The following TOX variants were observed in gnomAD, a reference collection of about 807,000 sequenced individuals.
TOX encodes thymocyte selection-associated high mobility group box protein TOX.
A neutral mutation model predicts 53.7 loss-of-function variants in TOX; 11 were observed. That is an observed-to-expected ratio of 0.20 (90% CI 0.13 to 0.34). TOX has a LOEUF of 0.34. Among genes scored for constraint, TOX ranks in the 10% least tolerant of loss-of-function variants. The pLI is 1.00. For missense variants in TOX, 570 were observed against 664.6 expected (o/e 0.86, Z 1.56); for synonymous variants, 225 against 245.3 (o/e 0.92, Z 0.77).
intron 3 of TOX, among the ~76,000 whole-genome samples, chr8:58,882,468 A>G (rs530642998): frequency 6.6e-6 from 1 of 152,316 alleles, no homozygotes; most frequent in South Asian, 2.1e-4. Context: ...ATTTCATAGT[A>G]GCTCTGGTTT....
chr8:59,007,480 A>C (rs1290847831), intron 1 of TOX, among the ~76,000 whole-genome samples: 1 of 152,262 alleles, frequency 6.6e-6, no homozygotes. Context: ...TCAAAGGCCT[A>C]TTTTCAGAAA....
At chr8:59,065,977 T>C (rs1192318405) in intron 1 of TOX, among the ~76,000 whole-genome samples, 3 of 152,192 alleles carry the variant, frequency 2.0e-5, no homozygotes, top group African/African-American at 7.2e-5. Flanking sequence ...CAATTCTGAA[T>C]GCTGAATTCC....
intron 1 of TOX, among the ~76,000 whole-genome samples, chr8:59,107,046 T>TGCGGC (rs35882293): frequency 5.2e-5 from 3 of 58,206 alleles, no homozygotes; most frequent in Admixed American, 1.9e-4. Context: ...AGCAGTTTGC[T>TGCGGC]GGGGGGGGGG....
At chr8:58,922,083 C>T (rs1224956783) in intron 3 of TOX, among the ~76,000 whole-genome samples, 2 of 152,176 alleles carry the variant, frequency 1.3e-5, no homozygotes, top group Admixed American at 1.3e-4. Flanking sequence ...GAGCTGAGAA[C>T]AATAGCTGTT....
chr8:59,042,006 G>T (rs932195465), intron 1 of TOX, among the ~76,000 whole-genome samples: 2 of 152,124 alleles, frequency 1.3e-5, no homozygotes, highest in African/African-American at 2.4e-5. Flanking sequence ...AAATGCAACT[G>T]AAAAGAAAAT....
chr8:58,892,999 G>A (rs16924208), intron 3 of TOX, among the ~76,000 whole-genome samples: 11,688 of 152,186 alleles, frequency 0.077, 717 homozygotes, highest in East Asian at 0.2. Context: ...TGAATTTGTT[G>A]GTCCAACACC....
intron 3 of TOX, among the ~76,000 whole-genome samples, chr8:58,860,180 G>T (rs1427601158): frequency 1.3e-5 from 2 of 152,134 alleles, no homozygotes; most frequent in South Asian, 2.1e-4. Flanking sequence ...ATGACACCTA[G>T]CTGCCACTGT....
intron 1 of TOX, among the ~76,000 whole-genome samples, chr8:59,108,776 G>A (rs1191966589): frequency 2.0e-5 from 3 of 151,856 alleles, no homozygotes; most frequent in Non-Finnish European, 4.4e-5. Flanking sequence ...TAACATTTTG[G>A]CTTCTCTCTG....
intron 3 of TOX, among the ~76,000 whole-genome samples, chr8:58,869,736 C>A (rs929153126): frequency 2.6e-5 from 4 of 152,012 alleles, no homozygotes; most frequent in Admixed American, 2.0e-4. Context: ...TAAAGTTCAA[C>A]ATTAGAAAAT....
chr8:59,015,150 A>G (rs116346270), intron 1 of TOX, among the ~76,000 whole-genome samples: 1,970 of 152,336 alleles, frequency 0.013, 58 homozygotes, highest in African/African-American at 0.045. Context: ...CCTGGACGGG[A>G]CAGCCAGTCT....
chr8:58,848,411 A>G (rs1810754371), intron 4 of TOX, among the ~76,000 whole-genome samples: 1 of 152,148 alleles, frequency 6.6e-6, no homozygotes, highest in African/African-American at 2.4e-5. Context: ...TAAATGCAGT[A>G]AAGATTTCAT....
chr8:59,053,162 A>G (rs1803824015), intron 1 of TOX, among the ~76,000 whole-genome samples: 1 of 152,200 alleles, frequency 6.6e-6, no homozygotes. Flanking sequence ...GTTTTGCTTA[A>G]GCACAAATAT....
intron 4 of TOX, among the ~76,000 whole-genome samples, chr8:58,847,801 A>G (rs1326690275): frequency 5.3e-5 from 8 of 152,100 alleles, no homozygotes; most frequent in Admixed American, 5.2e-4. Flanking sequence ...CAGGCAGTAA[A>G]TTCTCAAAAG....
intron 1 of TOX, among the ~76,000 whole-genome samples, chr8:59,050,202 T>C (rs769667445): frequency 6.6e-6 from 1 of 152,156 alleles, no homozygotes; most frequent in African/African-American, 2.4e-5. Context: ...TCAAAGTTTA[T>C]TATCCAGTCA....
rs1813341109 is a variant in TOX at position 58,986,944 on chromosome 8, G to A, written c.103-26936C>T. Reference sequence around the variant, plus strand: ...CCTGCTGTGGAGAAGTGAGGCCTAGGTGTTAACATGGAAAGGAGAGTAAAG... The same window carrying A: ...CCTGCTGTGGAGAAGTGAGGCCTAGATGTTAACATGGAAAGGAGAGTAAAG... On this transcript the variant is annotated intron_variant, in intron 1 of 8. Transcript: ENST00000361421. Among the ~76,000 whole-genome samples the A allele has an allele frequency of 2.0e-5, 3 of 152,214 alleles. No homozygotes were observed. The South Asian group carries it at 6.2e-4, about 32-fold the overall frequency.
chr8:58,986,893 G>A (rs1450134410), intron 1 of TOX, among the ~76,000 whole-genome samples: 3 of 152,230 alleles, frequency 2.0e-5, no homozygotes, highest in African/African-American at 7.2e-5. Flanking sequence ...GCTTCCTGCA[G>A]CCTTTGGGCT....
At chr8:58,948,182 A>C (rs1157148364) in intron 2 of TOX, among the ~76,000 whole-genome samples, 1 of 152,174 alleles carries the variant, frequency 6.6e-6, no homozygotes, top group Admixed American at 6.5e-5. Context: ...TTGCCAGCTG[A>C]GGCTTTGAGG....
intron 1 of TOX, among the ~76,000 whole-genome samples, chr8:59,048,000 CTTG>C (rs912202062): frequency 1.3e-5 from 2 of 152,086 alleles, no homozygotes; most frequent in African/African-American, 4.8e-5. Flanking sequence ...GTTAGCAGTC[CTTG>C]ATTATTATTA....
intron 1 of TOX, among the ~76,000 whole-genome samples, chr8:59,085,963 CT>C (rs1209129910): frequency 3.0e-5 from 4 of 131,850 alleles, no homozygotes; most frequent in Admixed American, 1.5e-4. Context: ...TTTTCTTTTT[CT>C]TTTTCTTTTC....
Sources: gnomAD v4.1 joint callset for allele counts (sites outside exome capture counted in the v4.1 genomes callset) on GRCh38, gnomAD v4.1.1 for gene constraint, MANE v1.5 for transcripts, NCBI Gene and HGNC (gene_info 2026-07-23, HGNC 2026-07-21) for gene names.